The following CYTH4 variants were observed in gnomAD, a reference collection of about 807,000 sequenced individuals.
CYTH4 encodes the protein cytohesin-4.
A neutral mutation model predicts 57.5 loss-of-function variants in CYTH4; 22 were observed. The ratio of observed to expected loss-of-function variants is 0.38; its 90% CI spans 0.27 to 0.55. The LOEUF (loss-of-function observed/expected upper bound fraction) is 0.55. CYTH4 is among the 20% of genes least tolerant of loss of function. CYTH4 has a pLI of 0.74. For missense variants in CYTH4, 420 were observed against 535.6 expected, an observed-to-expected ratio of 0.78 and a Z score of 2.13; for synonymous variants, 186 against 206.5, an observed-to-expected ratio of 0.90 and a Z score of 0.85.
At position 37,292,616 on chromosome 22, in the gene CYTH4, T is replaced by G. The variant is rs1172336863; in HGVS notation, c.20-5T>G. On this transcript the variant is annotated splice_region_variant and splice_polypyrimidine_tract_variant and intron_variant, in intron 1 of 12. Coordinates refer to ENST00000248901, the MANE Select transcript of CYTH4 (RefSeq NM_013385.5). ...TGATGGGGAAGGCCGGTTGTCTCTC[T>G]GTAGAGCCCGCGGAGCTGAGCAGCG... The G allele has an allele frequency of 2.5e-6, 4 of 1,613,472 alleles. No individual in the cohort carries two copies. In the East Asian group the frequency reaches 8.9e-5, roughly 36 times the overall value.
intron 8 of CYTH4, among the ~76,000 whole-genome samples, chr22:37,308,780 GTGTA>G (rs914599504): frequency 1.4e-4 from 22 of 152,136 alleles, no homozygotes; most frequent in African/African-American, 4.6e-4. Context: ...GCCTGCATGT[GTGTA>G]TGTGTGTGAA....
intron 9 of CYTH4, chr22:37,310,078 CACCTCCAGCAACATTGA>C (rs1271009968): frequency 2.2e-6 from 1 of 455,340 alleles, no homozygotes; most frequent in African/African-American, 2.0e-5. Context: ...CAACCTGGCT[CACCTCCAGCAACATTGA>C]GCCTCCAGCA....
intron 1 of CYTH4, among the ~76,000 whole-genome samples, chr22:37,288,244 T>G (rs1042814148): frequency 6.6e-6 from 1 of 152,136 alleles, no homozygotes; most frequent in African/African-American, 2.4e-5. Flanking sequence ...GAAACCCATC[T>G]CTACTAAAAA....
intron 2 of CYTH4, among the ~76,000 whole-genome samples, chr22:37,293,445 G>A (rs1011375454): frequency 6.6e-6 from 1 of 152,244 alleles, no homozygotes; most frequent in Non-Finnish European, 1.5e-5. Flanking sequence ...CAGAGCCGAG[G>A]TCTGTCTTGC....
intron 8 of CYTH4, among the ~76,000 whole-genome samples, chr22:37,308,875 T>C (rs1929526072): frequency 6.6e-6 from 1 of 152,114 alleles, no homozygotes; most frequent in African/African-American, 2.4e-5. Flanking sequence ...TACATGTGCG[T>C]GTGTGTGCAC....
At chr22:37,293,942 T>C (rs1356427757) in intron 2 of CYTH4, among the ~76,000 whole-genome samples, 1 of 151,502 alleles carries the variant, frequency 6.6e-6, no homozygotes, top group Non-Finnish European at 1.5e-5. Context: ...GCAAAGTCCC[T>C]GGAAAGAGGG....
At chr22:37,312,258 A>G (rs1929675585) in intron 12 of CYTH4, 84 bp downstream of exon 12, 5 of 1,543,788 alleles carry the variant, frequency 3.2e-6, no homozygotes, top group Non-Finnish European at 3.5e-6. Context: ...CCTTATCTGT[A>G]AAGGGGCTAA....
intron 2 of CYTH4, among the ~76,000 whole-genome samples, chr22:37,294,431 G>C (rs920169894): frequency 6.6e-6 from 1 of 152,012 alleles, no homozygotes; most frequent in African/African-American, 2.4e-5. Flanking sequence ...GGAGGCATGG[G>C]TGCAGACAGA....
At chr22:37,303,164 T>A (rs1929249362) in intron 7 of CYTH4, 90 bp from the exon 8 acceptor site, 1 of 1,556,198 alleles carries the variant, frequency 6.4e-7, no homozygotes, top group African/African-American at 1.4e-5. Context: ...TTCGGGGCCT[T>A]GCAATGGCAG....
At chr22:37,308,504 ATG>A (rs1601710177) in intron 8 of CYTH4, among the ~76,000 whole-genome samples, 2 of 151,688 alleles carry the variant, frequency 1.3e-5, no homozygotes, top group African/African-American at 4.9e-5. Context: ...GTGTACATGT[ATG>A]TGTGAGCGTG....
intron 1 of CYTH4, among the ~76,000 whole-genome samples, chr22:37,283,884 G>C (rs2284042): frequency 0.69 from 99,353 of 144,898 alleles, 33,355 homozygotes; most frequent in African/African-American, 0.8. Flanking sequence ...TGGGATGAGG[G>C]GGGGAGGGCA....
chr22:37,310,076 C>A, intron 9 of CYTH4: 1 of 457,382 alleles, frequency 2.2e-6, no homozygotes, highest in Admixed American at 2.4e-5. Flanking sequence ...CTCAACCTGG[C>A]TCACCTCCAG....
chr22:37,314,288 T>C lies in CYTH4; in HGVS notation c.*777T>C, dbSNP rs1229199198. On this transcript the variant is annotated 3_prime_UTR_variant, in exon 13 of 13. Coordinates refer to ENST00000248901, the MANE Select transcript of CYTH4 (RefSeq NM_013385.5). ...GCCCAGGCTGACTCCGGATTCAACG[T>C]TGCTGGGGAGAGAAAAGCAGTATAG... The C allele has an allele frequency of 1.3e-5, 5 of 398,594 alleles. No homozygotes were observed. Among genetic ancestry groups the C allele is most frequent in the Non-Finnish European group, 2.2e-5 (5 of 226,074 alleles). 24.7% of individuals were successfully genotyped at this position (398,594 alleles called of 1,614,324 possible). A position where few individuals can be genotyped will look rare whatever the true frequency, so the allele number is the denominator to read the frequency against.
intron 7 of CYTH4, among the ~76,000 whole-genome samples, chr22:37,303,036 T>G (rs1601706549): frequency 6.7e-6 from 1 of 148,596 alleles, no homozygotes; most frequent in African/African-American, 2.5e-5. Flanking sequence ...CGCGCGGAGG[T>G]AGGAAGGGGC....
intron 1 of CYTH4, among the ~76,000 whole-genome samples, chr22:37,287,135 G>A (rs1269742266): frequency 6.6e-6 from 1 of 152,096 alleles, no homozygotes; most frequent in African/African-American, 2.4e-5. Context: ...CAAGAGCGGT[G>A]GTGACCAATA....
At position 37,304,467 on chromosome 22, in the gene CYTH4, C is replaced by T. The variant is rs1317280987; in HGVS notation, c.696+1065C>T. ...GAAAAATGAATGGACAAGTTCACTT[C>T]AAGGACTGAAGATTCCCCAGAGCCC... On this transcript the variant is annotated intron_variant, in intron 8 of 12. Coordinates refer to ENST00000248901, the MANE Select transcript of CYTH4 (RefSeq NM_013385.5). Among the ~76,000 whole-genome samples, 5 of 152,102 alleles carry T rather than the reference C, an allele frequency of 3.3e-5. 1 individual carries two copies. The highest frequency in any genetic ancestry group is 7.4e-5 in the Non-Finnish European group (5 of 68,008).
intron 12 of CYTH4, among the ~76,000 whole-genome samples, chr22:37,312,734 G>A (rs1407953847): frequency 6.6e-6 from 1 of 152,234 alleles, no homozygotes; most frequent in East Asian, 1.9e-4. Context: ...AAATAGGGAG[G>A]GGTGGCTGGG....
At chr22:37,284,540 T>C (rs574058213) in intron 1 of CYTH4, among the ~76,000 whole-genome samples, 1 of 152,292 alleles carries the variant, frequency 6.6e-6, no homozygotes, top group African/African-American at 2.4e-5. Flanking sequence ...TGGGGCTTCT[T>C]CATGGCACGG....
rs200952954 is a variant in CYTH4, at chr22:37,290,499, G to GTTTGT, written c.20-2102_20-2098dup. On this transcript the variant is annotated intron_variant, in intron 1 of 12. Transcript: ENST00000248901. The stretch of plus-strand genomic sequence containing the variant: ...CAGGCAAGGGGTCTTGGGTTTTTTT[G>GTTTGT]TTTGTTTTGTTTTGTTTTGTTTTGG... Among the ~76,000 whole-genome samples the GTTTGT allele has an allele frequency of 7.8e-4, 118 of 151,934 alleles. 1 individual carries two copies. Among genetic ancestry groups the GTTTGT allele is most frequent in the Admixed American group, 1.2e-3 (19 of 15,266 alleles).
Sources: allele counts gnomAD v4.1 joint callset (sites outside exome capture counted in the v4.1 genomes callset), GRCh38; gene constraint gnomAD v4.1.1; transcripts MANE v1.5; gene names NCBI Gene and HGNC (gene_info 2026-07-23, HGNC 2026-07-21).